The following UNC45B variants were observed in gnomAD, a reference collection of about 807,000 sequenced individuals.
UNC45B encodes the protein protein unc-45 homolog B.
In UNC45B, 78 loss-of-function variants were observed where a neutral mutation model predicts 98.7. That is an observed-to-expected ratio of 0.79 (90% CI 0.66 to 0.95). UNC45B has a LOEUF of 0.95. Among genes scored for constraint, UNC45B ranks in the 40% least tolerant of loss-of-function variants. The pLI, the probability that UNC45B is intolerant of heterozygous loss-of-function variation, is 0.00. For synonymous variants in UNC45B, 462 were observed against 480.4 expected (o/e 0.96, Z 0.50); for missense variants, 1,225 against 1,184.9 (o/e 1.03, Z -0.50).
chr17:35,158,750 G>A (rs180864518), intron 7 of UNC45B, among the ~76,000 whole-genome samples: 8 of 152,266 alleles, frequency 5.3e-5, no homozygotes, highest in South Asian at 2.1e-4. Context: ...TTCTTTAGGC[G>A]ATGGAGCTGT....
At position 35,183,944 on chromosome 17, in the gene UNC45B, T is replaced by C. The variant is rs115351236; in HGVS notation, c.2529+362T>C. On this transcript the variant is annotated intron_variant, in intron 19 of 19. Coordinates refer to ENST00000394570, the MANE Select transcript of UNC45B (RefSeq NM_001267052.2). Reference sequence around the variant, plus strand: ...TGGGATGCCATAAGGAGCTTATGGTTTGGCAAAAAAGCTGCAGATTCTCTT... The same window carrying C: ...TGGGATGCCATAAGGAGCTTATGGTCTGGCAAAAAAGCTGCAGATTCTCTT... 5.5e-3 allele frequency among the ~76,000 whole-genome samples: 840 copies of C among 152,264 alleles called. 9 individuals are homozygous for C. Among genetic ancestry groups the C allele is most frequent in the African/African-American group, 0.019 (775 of 41,550 alleles).
chr17:35,159,500 C>T lies in UNC45B; in HGVS notation c.934C>T (p.Leu312Phe), dbSNP rs190282323. Residue 312 changes from leucine (L) to phenylalanine (F), a missense_variant, in exon 8 of 20, where the codon CTT becomes TTT. Physicochemically the swap from Leu to Phe is conservative, Grantham distance 22. Coordinates refer to ENST00000394570, the MANE Select transcript of UNC45B (RefSeq NM_001267052.2). ...LLNKNVPRKD[L>F]AIHDNSRTIY... ...CAATAAGAATGTTCCCAGGAAGGACCTTGCCATTCATGACAACTCACGTAC... is the reference window on the plus strand; with the variant it reads ...CAATAAGAATGTTCCCAGGAAGGACTTTGCCATTCATGACAACTCACGTAC... 6.3e-5 allele frequency: 102 copies of T among 1,614,094 alleles called. No homozygotes were observed. In the Admixed American group the frequency reaches 8.8e-4, roughly 14 times the overall value.
In UNC45B at chr17:35,152,876, C is replaced by A; in HGVS notation, c.382-17C>A. ...GACCCCACCTGCCTCCTTCCCCACT[C>A]CCTCCTCTCTCCTCAGCTCCGAGTG... On this transcript the variant is annotated splice_polypyrimidine_tract_variant and intron_variant, in intron 4 of 19. Coordinates refer to ENST00000394570, the MANE Select transcript of UNC45B (RefSeq NM_001267052.2). 2 of 1,609,928 alleles carry A rather than the reference C, an allele frequency of 1.2e-6. No homozygotes were observed. The highest frequency in any genetic ancestry group is 1.1e-5 in the South Asian group (1 of 90,968).
intron 3 of UNC45B, among the ~76,000 whole-genome samples, chr17:35,149,260 C>T (rs372123905): frequency 6.6e-6 from 1 of 152,146 alleles, no homozygotes; most frequent in South Asian, 2.1e-4. Context: ...AAGGCTGTCA[C>T]AAGGAAGAAG....
chr17:35,177,677 A>G (rs2092244830), intron 17 of UNC45B, 67 bp downstream of exon 17: 2 of 1,208,206 alleles, frequency 1.7e-6, no homozygotes, highest in Non-Finnish European at 2.4e-6. Flanking sequence ...GAAATTTCAC[A>G]TAATGTGCTG....
chr17:35,148,103 G>T (rs2091986876), intron 1 of UNC45B, among the ~76,000 whole-genome samples, 161 bp from the exon 2 acceptor site: 2 of 152,152 alleles, frequency 1.3e-5, no homozygotes. Flanking sequence ...TCCTCATGGG[G>T]CAATAGATTT....
chr17:35,163,853 A>G, intron 8 of UNC45B, 142 bp from the exon 9 acceptor site: 3 of 972,716 alleles, frequency 3.1e-6, no homozygotes, highest in Non-Finnish European at 4.4e-6. Flanking sequence ...ACCCCATTCT[A>G]GGCCCTTTCA....
chr17:35,179,547 T>C (rs994469058), intron 17 of UNC45B, among the ~76,000 whole-genome samples: 5 of 152,184 alleles, frequency 3.3e-5, no homozygotes, highest in African/African-American at 1.2e-4. Context: ...GTGACACATA[T>C]GCACCATGGA....
At chr17:35,152,744 C>T in intron 4 of UNC45B, 149 bp from the exon 5 acceptor site, 2 of 722,134 alleles carry the variant, frequency 2.8e-6, no homozygotes, top group Non-Finnish European at 2.5e-6. Context: ...CGTACTTATC[C>T]AGTAAATGTT....
At chr17:35,154,880 T>G in intron 6 of UNC45B, 139 bp downstream of exon 6, 1 of 1,026,522 alleles carries the variant, frequency 9.7e-7, no homozygotes, top group East Asian at 2.9e-5. Context: ...CTTTTTCCCT[T>G]TCAGTTGGAA....
In UNC45B at chr17:35,181,038, T is replaced by C. The variant is rs151250284; in HGVS notation, c.2373+362T>C. 8.5e-4 allele frequency among the ~76,000 whole-genome samples: 130 copies of C among 152,240 alleles called. 3 individuals carry two copies. The East Asian group carries it at 0.022, about 26-fold the overall frequency. ...AGGAAGGCTAGACCACTTGCATTTA[T>C]TGAAGCTCCACATATATAAAAAAAA... is the stretch of plus-strand genomic sequence containing the variant. On this transcript the variant is annotated intron_variant, in intron 18 of 19. Coordinates refer to ENST00000394570, the MANE Select transcript of UNC45B (RefSeq NM_001267052.2).
chr17:35,186,125 C>T (rs1043008178), intron 19 of UNC45B, among the ~76,000 whole-genome samples, 174 bp from the exon 20 acceptor site: 24 of 152,166 alleles, frequency 1.6e-4, no homozygotes, highest in African/African-American at 5.6e-4. Context: ...GAACTCACTG[C>T]TGCAAGAATT....
intron 4 of UNC45B, among the ~76,000 whole-genome samples, chr17:35,152,311 A>T (rs1439733643): frequency 1.3e-5 from 2 of 152,188 alleles, no homozygotes; most frequent in Non-Finnish European, 2.9e-5. Context: ...GACCCCCCCA[A>T]ACAAAGTAAC....
Position 35,169,901 on chromosome 17 carries a change from C to A in UNC45B, c.1517C>A (p.Ser506Ter), listed in dbSNP as rs748373473. ...GGTCTCAGGCAGTTTGCGGAAGGGT[C>A]GACAGAAAAACTGGCCAAACAGTGT... Reference protein sequence around the residue: ...DYGLRQFAEGSTEKLAKQCRK... With the variant: ...DYGLRQFAEG The change falls in exon 11 of 20, where the codon TCG becomes TAG. Residue 506 changes from serine (S) to a stop codon, truncating the protein, a stop_gained. Transcript: ENST00000394570. LOFTEE classifies it high-confidence loss of function. 5.0e-6 allele frequency: 8 copies of A among 1,614,088 alleles called. No individual in the cohort carries two copies. Among genetic ancestry groups the A allele is most frequent in the South Asian group, 1.1e-5 (1 of 91,062 alleles).
intron 6 of UNC45B, among the ~76,000 whole-genome samples, chr17:35,155,043 C>A (rs920905342): frequency 6.6e-6 from 1 of 152,220 alleles, no homozygotes. Context: ...GTCCTGCCAC[C>A]GTGCAAGAGC....
chr17:35,180,763 C>G (rs1171624184), intron 18 of UNC45B, 87 bp downstream of exon 18: 7 of 963,322 alleles, frequency 7.3e-6, no homozygotes, highest in Non-Finnish European at 1.1e-5. Flanking sequence ...AGATCGGGAG[C>G]TCTTATGATG....
Position 35,186,606 on chromosome 17 carries a change from TC to T in UNC45B, c.*49del, listed in dbSNP as rs751623008. The T allele has an allele frequency of 8.8e-6, 14 of 1,592,686 alleles. No homozygotes were observed. The highest frequency in any genetic ancestry group is 1.2e-5 in the Non-Finnish European group (14 of 1,166,040). On this transcript the variant is annotated 3_prime_UTR_variant, in exon 20 of 20. Transcript: ENST00000394570. Reference sequence around the variant, plus strand: ...GGGAGTGGTCCTGTACTGTGCAGAGTCCTGGGTTGGTTGGGTTCTCCTGAAG... The same window carrying T: ...GGGAGTGGTCCTGTACTGTGCAGAGTCTGGGTTGGTTGGGTTCTCCTGAAG...
Position 35,187,083 on chromosome 17 carries a change from C to T in UNC45B, c.*524C>T, listed in dbSNP as rs1443314468. ...CCCAGTCCCATGCCCATTCCCATCACTTCACTGTGATGGAAATAGAGTTTA... is the reference window on the plus strand; with the variant it reads ...CCCAGTCCCATGCCCATTCCCATCATTTCACTGTGATGGAAATAGAGTTTA... On this transcript the variant is annotated 3_prime_UTR_variant, in exon 20 of 20. Transcript: ENST00000394570. 6.5e-6 allele frequency: 1 copy of T among 154,916 alleles called. No individual in the cohort carries two copies. The highest frequency in any genetic ancestry group is 2.4e-5 in the African/African-American group (1 of 41,454). 9.6% of individuals were successfully genotyped at this position (154,916 alleles called of 1,614,324 possible).
chr17:35,184,318 G>T (rs1406718371), intron 19 of UNC45B, among the ~76,000 whole-genome samples: 3 of 152,204 alleles, frequency 2.0e-5, no homozygotes, highest in Non-Finnish European at 2.9e-5. Context: ...TTGGACTTCA[G>T]CTTCTTTCTC....
Sources: allele counts gnomAD v4.1 joint callset (sites outside exome capture counted in the v4.1 genomes callset), GRCh38; gene constraint gnomAD v4.1.1; transcripts MANE v1.5; gene names NCBI Gene and HGNC (gene_info 2026-07-23, HGNC 2026-07-21).